THRB: variants seen among roughly 807,000 people sequenced by gnomAD.
The protein encoded by THRB is nuclear receptor subfamily 1 group A member 2.
THRB carries 12 observed loss-of-function variants against 47.8 expected under a neutral mutation model. The observed-to-expected ratio is 0.25, with a 90% CI of 0.16 to 0.41. THRB has a LOEUF of 0.41. Among genes scored for constraint, THRB ranks in the 10% least tolerant of loss-of-function variants. The pLI is 1.00. For missense variants in THRB, 348 were observed against 589.2 expected, an observed-to-expected ratio of 0.59 and a Z score of 4.24; for synonymous variants, 218 against 212.2, an observed-to-expected ratio of 1.03 and a Z score of -0.24.
intron 1 of THRB, among the ~76,000 whole-genome samples, chr3:24,419,193 T>C (rs376471681): frequency 6.6e-6 from 1 of 151,876 alleles, no homozygotes. Context: ...ATTTAGAGCT[T>C]TCTCCTTTCC....
intron 3 of THRB, among the ~76,000 whole-genome samples, chr3:24,269,277 C>CCACACACACACACACACACA (rs4024153): frequency 1.4e-5 from 2 of 140,686 alleles, no homozygotes; most frequent in African/African-American, 5.4e-5. Context: ...AATGGATACA[C>CCACACACACACACACACACA]CACACACACA....
Position 24,374,364 on chromosome 3 carries a change from G to C in THRB, c.-260-36993C>G, listed in dbSNP as rs182790324. ...GAAGCTACAATGCAAAAATACATAG[G>C]AAGAGAATACATATATATTGTCTAT... On this transcript the variant is annotated intron_variant, in intron 1 of 10. Transcript: ENST00000646209. Among the ~76,000 whole-genome samples, 35 of 152,110 alleles carry C rather than the reference G, an allele frequency of 2.3e-4. 1 individual carries two copies. The East Asian group carries it at 6.6e-3, about 29-fold the overall frequency.
chr3:24,313,581 C>T (rs543562838), intron 2 of THRB, among the ~76,000 whole-genome samples: 37 of 152,260 alleles, frequency 2.4e-4, no homozygotes, highest in Admixed American at 1.2e-3. Context: ...CTATTATATG[C>T]TCTATTGTTA....
Position 24,146,873 on chromosome 3 carries a change from C to T in THRB, c.385-51G>A, listed in dbSNP as rs941806827. On this transcript the variant is annotated intron_variant, in intron 6 of 10. Coordinates refer to ENST00000646209, the MANE Select transcript of THRB (RefSeq NM_001354712.2). ...CAACAGTTTCATATTTTCTTGAAATCAGTGATTCTGGAATTTTGTGTCCAT... is the reference window on the plus strand; with the variant it reads ...CAACAGTTTCATATTTTCTTGAAATTAGTGATTCTGGAATTTTGTGTCCAT... 8.2e-6 allele frequency: 13 copies of T among 1,576,210 alleles called. No homozygotes were observed. In the East Asian group the frequency reaches 2.9e-4, roughly 35 times the overall value.
chr3:24,406,330 A>G (rs1195760987), intron 1 of THRB, among the ~76,000 whole-genome samples: 1 of 151,822 alleles, frequency 6.6e-6, no homozygotes, highest in Non-Finnish European at 1.5e-5. Context: ...TTGTTACATT[A>G]AGAGTTTTTA....
chr3:24,335,901 C>T (rs2062218557), intron 2 of THRB, among the ~76,000 whole-genome samples: 2 of 152,116 alleles, frequency 1.3e-5, no homozygotes, highest in Non-Finnish European at 2.9e-5. Flanking sequence ...GAATGGAAGA[C>T]CTCTGAGGTC....
At chr3:24,337,428 C>T (rs2062330657) in intron 1 of THRB, 57 bp from the exon 2 acceptor site, 1 of 152,190 alleles carries the variant, frequency 6.6e-6, no homozygotes, top group South Asian at 2.1e-4. Flanking sequence ...AGTTTCCCAA[C>T]ATTCGATTAA....
At chr3:24,330,906 G>T (rs2061881094) in intron 2 of THRB, among the ~76,000 whole-genome samples, 1 of 152,214 alleles carries the variant, frequency 6.6e-6, no homozygotes, top group Non-Finnish European at 1.5e-5. Context: ...GAAGCTAAGG[G>T]TGTCAAACAC....
intron 3 of THRB, among the ~76,000 whole-genome samples, chr3:24,279,198 C>T (rs2054259717): frequency 6.6e-6 from 1 of 152,082 alleles, no homozygotes; most frequent in Non-Finnish European, 1.5e-5. Flanking sequence ...ACTTCGATTC[C>T]ATAAATGGAG....
At chr3:24,347,364 T>C (rs1559987978) in intron 1 of THRB, among the ~76,000 whole-genome samples, 1 of 151,742 alleles carries the variant, frequency 6.6e-6, no homozygotes, top group Non-Finnish European at 1.5e-5. Context: ...TAATACCATA[T>C]TAGGGTCAAC....
At chr3:24,251,696 C>T (rs543681372) in intron 3 of THRB, among the ~76,000 whole-genome samples, 3 of 151,996 alleles carry the variant, frequency 2.0e-5, no homozygotes, top group African/African-American at 7.2e-5. Context: ...CCCCTCCTCT[C>T]CCTTCCCTGA....
chr3:24,205,512 G>C (rs1461251540), intron 4 of THRB, among the ~76,000 whole-genome samples: 2 of 152,172 alleles, frequency 1.3e-5, no homozygotes, highest in African/African-American at 4.8e-5. Context: ...ACTAAACATG[G>C]AAAGGAACAA....
At chr3:24,415,949 C>T (rs2068699487) in intron 1 of THRB, among the ~76,000 whole-genome samples, 1 of 151,672 alleles carries the variant, frequency 6.6e-6, no homozygotes, top group South Asian at 2.1e-4. Flanking sequence ...TTCTGAACCA[C>T]TAATCTAGAC....
chr3:24,320,439 G>A lies in THRB; in HGVS notation c.-189+16861C>T, dbSNP rs148395470. On this transcript the variant is annotated intron_variant, in intron 2 of 10. Coordinates refer to ENST00000646209, the MANE Select transcript of THRB (RefSeq NM_001354712.2). ...GCATTCAGGGCAGGACAAATGTTTG[G>A]GTGCAGGACTGTCCTTGTTCTGAAT... is the stretch of plus-strand genomic sequence containing the variant. Among the ~76,000 whole-genome samples, 8 of 152,232 alleles carry A rather than the reference G, an allele frequency of 5.3e-5. No homozygotes were observed. The East Asian group carries it at 9.7e-4, about 18-fold the overall frequency.
At chr3:24,153,664 T>C (rs1393391211) in intron 5 of THRB, among the ~76,000 whole-genome samples, 1 of 152,134 alleles carries the variant, frequency 6.6e-6, no homozygotes, top group African/African-American at 2.4e-5. Flanking sequence ...AGACACAAGA[T>C]GCTGATTCAG....
rs559290916 is a variant in THRB at position 24,288,000 on chromosome 3, G to A, written c.-43+9226C>T. 2.9e-4 allele frequency among the ~76,000 whole-genome samples: 44 copies of A among 152,320 alleles called. No individual in the cohort carries two copies. In the South Asian group the frequency reaches 9.1e-3, roughly 32 times the overall value. ...CACATTATAGCTTCACAAAAGCTGT[G>A]GTTCCAAAGTTGCACTGAATAGGAT... On this transcript the variant is annotated intron_variant, in intron 3 of 10. Transcript: ENST00000646209.
intron 5 of THRB, among the ~76,000 whole-genome samples, chr3:24,156,029 A>G (rs1427893148): frequency 1.3e-5 from 2 of 152,242 alleles, no homozygotes; most frequent in Non-Finnish European, 2.9e-5. Context: ...TATCAAGCAT[A>G]TTTTTATAAA....
chr3:24,281,529 A>G (rs1345459902), intron 3 of THRB, among the ~76,000 whole-genome samples: 3 of 151,622 alleles, frequency 2.0e-5, no homozygotes, highest in Admixed American at 2.0e-4. Flanking sequence ...GCATCAACTA[A>G]CGAGCAAAAT....
At chr3:24,223,169 C>T (rs1174960728) in intron 4 of THRB, among the ~76,000 whole-genome samples, 2 of 152,188 alleles carry the variant, frequency 1.3e-5, no homozygotes, top group East Asian at 3.8e-4. Context: ...ACAGAAGGAC[C>T]TCCACCAATC....
Sources: allele counts gnomAD v4.1 joint callset (sites outside exome capture counted in the v4.1 genomes callset), GRCh38; gene constraint gnomAD v4.1.1; transcripts MANE v1.5; gene names NCBI Gene and HGNC (gene_info 2026-07-23, HGNC 2026-07-21).